SLC8A1: variants seen among roughly 807,000 people sequenced by gnomAD.
The protein encoded by SLC8A1 is solute carrier family 8 member A1, also known as sodium/calcium exchanger 1.
Under a neutral mutation model 68.3 loss-of-function variants are expected in SLC8A1, and 18 were observed. The ratio of observed to expected loss-of-function variants is 0.26; its 90% CI spans 0.18 to 0.39. The LOEUF (loss-of-function observed/expected upper bound fraction) is 0.39. Among genes scored for constraint, SLC8A1 ranks in the 10% least tolerant of loss-of-function variants. SLC8A1 has a pLI of 1.00. For synonymous variants in SLC8A1, 475 were observed against 415.5 expected (o/e 1.14, Z -1.74); for missense variants, 985 against 1,156.7 (o/e 0.85, Z 2.15).
chr2:40,102,700 C>T (rs2033970479), exon 8 of SLC8A1: 1 of 152,074 alleles, frequency 6.6e-6, no homozygotes, highest in Non-Finnish European at 1.5e-5. Flanking sequence ...GACAGCTCTA[C>T]CAAGATTGCT....
intron 2 of SLC8A1, among the ~76,000 whole-genome samples, chr2:40,415,735 T>C (rs1693612815): frequency 6.6e-6 from 1 of 151,950 alleles, no homozygotes; most frequent in Admixed American, 6.6e-5. Context: ...CCCAGCACTT[T>C]GGGAGGCCGA....
In SLC8A1 at chr2:40,430,602, G is replaced by A. The variant is rs191871172; in HGVS notation, c.-24-298C>T. Among the ~76,000 whole-genome samples the A allele has an allele frequency of 1.5e-4, 23 of 152,248 alleles. No homozygotes were observed. The East Asian group carries it at 4.5e-3, about 29-fold the overall frequency. ...GATACACAATTGACTTACTGGAAAG[G>A]AAAAGTTCAATTTATATAGCCTTGC... is the stretch of plus-strand genomic sequence containing the variant. On this transcript the variant is annotated intron_variant, in intron 1 of 7. Coordinates refer to ENST00000406785, the Ensembl canonical transcript of SLC8A1.
rs371395367 is a variant in SLC8A1, at chr2:40,212,281, A to ATGTTTTTTTTTT, written c.1809-34427_1809-34426insAAAAAAAAAACA. ...AGGTGCTAAACAGAAGAGATGCAAT[A>ATGTTTTTTTTTT]TCTTTTTTTTTTTTTTTTTTCCTGA... On this transcript the variant is annotated intron_variant, in intron 2 of 7. Coordinates refer to ENST00000406785, the Ensembl canonical transcript of SLC8A1. 7.6e-5 allele frequency among the ~76,000 whole-genome samples: 9 copies of ATGTTTTTTTTTT among 118,208 alleles called. 3 individuals are homozygous for ATGTTTTTTTTTT. Among genetic ancestry groups the ATGTTTTTTTTTT allele is most frequent in the Admixed American group, 1.9e-4 (2 of 10,304 alleles). The allele number at this position is 118,208 out of a possible 152,430, so 77.5% of individuals were successfully genotyped here. A position where few individuals can be genotyped will look rare whatever the true frequency, so the allele number is the denominator to read the frequency against.
chr2:40,321,895 CATTT>C (rs1424559390), intron 2 of SLC8A1, among the ~76,000 whole-genome samples: 1 of 152,104 alleles, frequency 6.6e-6, no homozygotes, highest in African/African-American at 2.4e-5. Flanking sequence ...ATTTTCCACT[CATTT>C]AATCAATTCA....
chr2:40,462,600 G>C (rs2149894709), intron 1 of SLC8A1, among the ~76,000 whole-genome samples: 1 of 151,794 alleles, frequency 6.6e-6, no homozygotes, highest in Non-Finnish European at 1.5e-5. Context: ...CTTAGCCCAG[G>C]AGTTCGAGAC....
At chr2:40,180,850 T>G (rs1221797432) in intron 2 of SLC8A1, among the ~76,000 whole-genome samples, 1 of 146,458 alleles carries the variant, frequency 6.8e-6, no homozygotes, top group Non-Finnish European at 1.5e-5. Flanking sequence ...GGTACCTGTT[T>G]CATGTTCACA....
At chr2:40,480,983 TATA>T (rs78185552) in intron 1 of SLC8A1, among the ~76,000 whole-genome samples, 83 of 152,240 alleles carry the variant, frequency 5.5e-4, no homozygotes, top group Non-Finnish European at 1.1e-3. Context: ...ACCTTTTAAT[TATA>T]ATGATATCCT....
rs535368458 is a variant in SLC8A1, at chr2:40,319,240, G to C, written c.1808+109233C>G. Among the ~76,000 whole-genome samples, 6 of 152,216 alleles carry C rather than the reference G, an allele frequency of 3.9e-5. No individual in the cohort carries two copies. In the East Asian group the frequency reaches 1.2e-3, roughly 29 times the overall value. ...GTTTCCTAAATAGAACACTTAACAA[G>C]TGTTCGTGAAGCTTCCAGCAGGTCA... On this transcript the variant is annotated intron_variant, in intron 2 of 7. Coordinates refer to ENST00000406785, the Ensembl canonical transcript of SLC8A1.
At chr2:40,255,708 ATCTCCTCTGCC>A (rs1353952519) in intron 2 of SLC8A1, among the ~76,000 whole-genome samples, 1 of 152,258 alleles carries the variant, frequency 6.6e-6, no homozygotes, top group Non-Finnish European at 1.5e-5. Flanking sequence ...GTTTGAGGGT[ATCTCCTCTGCC>A]TTAATTGACA....
At chr2:40,395,728 C>G (rs1330401820) in intron 2 of SLC8A1, among the ~76,000 whole-genome samples, 2 of 152,000 alleles carry the variant, frequency 1.3e-5, no homozygotes, top group East Asian at 3.9e-4. Flanking sequence ...GATAAGAACT[C>G]AAAATTAAGA....
intron 1 of SLC8A1, among the ~76,000 whole-genome samples, chr2:40,449,487 A>C (rs1702051004): frequency 6.6e-6 from 1 of 152,236 alleles, no homozygotes; most frequent in African/African-American, 2.4e-5. Flanking sequence ...CAGAAAGCTT[A>C]ACAGAGCAAT....
intron 1 of SLC8A1, among the ~76,000 whole-genome samples, chr2:40,463,792 G>T (rs1273031335): frequency 1.3e-5 from 2 of 148,336 alleles, no homozygotes; most frequent in East Asian, 4.0e-4. Flanking sequence ...CAGACTTACA[G>T]ACAAGGGAGG....
chr2:40,408,097 A>C (rs940673276), intron 2 of SLC8A1, among the ~76,000 whole-genome samples: 4 of 152,224 alleles, frequency 2.6e-5, no homozygotes, highest in African/African-American at 9.6e-5. Flanking sequence ...TTAGCCACAG[A>C]AACAGCCCTA....
intron 2 of SLC8A1, among the ~76,000 whole-genome samples, chr2:40,357,531 C>T (rs1031159671): frequency 2.2e-5 from 3 of 138,594 alleles, no homozygotes; most frequent in African/African-American, 7.9e-5. Context: ...AAGATGTAAA[C>T]AGTAATATTT....
intron 2 of SLC8A1, among the ~76,000 whole-genome samples, chr2:40,324,476 A>G (rs1050953041): frequency 6.6e-6 from 1 of 152,154 alleles, no homozygotes; most frequent in Non-Finnish European, 1.5e-5. Flanking sequence ...TTCTTTCCTA[A>G]CTCAGAAGTA....
At chr2:40,213,341 T>TG (rs2056935958) in intron 2 of SLC8A1, 1 of 152,196 alleles carries the variant, frequency 6.6e-6, no homozygotes. Context: ...GACCAGTAGA[T>TG]GGAGTAAGTG....
chr2:40,127,079 T>C (rs1316127376), intron 7 of SLC8A1, among the ~76,000 whole-genome samples: 3 of 152,202 alleles, frequency 2.0e-5, no homozygotes, highest in Non-Finnish European at 4.4e-5. Context: ...CTTGAAAATT[T>C]GAGGATCAAG....
chr2:40,169,477 G>T (rs17025380), intron 4 of SLC8A1, among the ~76,000 whole-genome samples: 3 of 151,900 alleles, frequency 2.0e-5, no homozygotes, highest in Admixed American at 6.6e-5. Context: ...CTCTAAACCT[G>T]TATTAGATCT....
rs542222821 is a variant in SLC8A1 at position 40,295,438 on chromosome 2, A to G, written c.1809-117583T>C. Among the ~76,000 whole-genome samples the G allele has an allele frequency of 7.9e-5, 12 of 152,286 alleles. No homozygotes were observed. The South Asian group carries it at 2.5e-3, about 32-fold the overall frequency. ...CATATTGAATGTAAAAATCATAATA[A>G]AAGTTATAATGATTTGGTGTATACT... On this transcript the variant is annotated intron_variant, in intron 2 of 7. Coordinates refer to ENST00000406785, the Ensembl canonical transcript of SLC8A1.
Sources: gnomAD v4.1 joint callset for allele counts (sites outside exome capture counted in the v4.1 genomes callset) on GRCh38, gnomAD v4.1.1 for gene constraint, MANE v1.5 for transcripts, NCBI Gene and HGNC (gene_info 2026-07-23, HGNC 2026-07-21) for gene names.